The following FREM1 variants were observed in gnomAD, a reference collection of about 807,000 sequenced individuals.
FREM1 encodes the protein FRAS1-related extracellular matrix protein 1.
A neutral mutation model predicts 210.1 loss-of-function variants in FREM1; 220 were observed. That is an observed-to-expected ratio of 1.05 (90% confidence interval 0.94 to 1.17). The LOEUF (loss-of-function observed/expected upper bound fraction) is 1.17, where lower values mean the gene tolerates loss of function less well. FREM1 is among the 50% of genes most tolerant of loss of function. The pLI is 0.00. For synonymous variants in FREM1, 1,189 were observed against 980.2 expected, an observed-to-expected ratio of 1.21 and a Z score of -3.98; for missense variants, 3,454 against 2,675.5, an observed-to-expected ratio of 1.29 and a Z score of -6.42.
chr9:14,900,188 AC>A (rs754716875), intron 1 of FREM1, among the ~76,000 whole-genome samples: 10 of 151,750 alleles, frequency 6.6e-5, no homozygotes, highest in Non-Finnish European at 1.5e-4. Flanking sequence ...CATCTAGAGG[AC>A]CCCCTCTTCA....
In FREM1 at chr9:14,776,197, G is replaced by A. The variant is rs1207535317; in HGVS notation, c.4449C>T (p.Ile1483=). The A allele has an allele frequency of 1.3e-6, 2 of 1,518,618 alleles. No homozygotes were observed. The highest frequency in any genetic ancestry group is 1.8e-6 in the Non-Finnish European group (2 of 1,134,030). The allele number at this position is 1,518,618 out of a possible 1,614,324, so 94.1% of individuals were successfully genotyped here. The part of the protein sequence containing the change: ...VTVSSDRFRF[I]ISNGLRTEHG... ...GCTCGGTCCGCAGTCCATTGCTGATGATGAATCTGGTAAAGAGAGGCAAGG... is the reference window on the plus strand; with the variant it reads ...GCTCGGTCCGCAGTCCATTGCTGATAATGAATCTGGTAAAGAGAGGCAAGG... Residue 1483 remains isoleucine (I), a synonymous_variant, in exon 25 of 37, where the codon ATC becomes ATT. Coordinates refer to ENST00000380880, the MANE Select transcript of FREM1 (RefSeq NM_001379081.2).
Position 14,830,710 on chromosome 9 carries a change from G to T in FREM1, c.1882-5718C>A, listed in dbSNP as rs533803662. On this transcript the variant is annotated intron_variant, in intron 10 of 36. Transcript: ENST00000380880. ...CTCCCTTCCTTCTTGCCTATTAAATGCTCCACTCCTTAAAACCACTCCACG... is the reference window on the plus strand; with the variant it reads ...CTCCCTTCCTTCTTGCCTATTAAATTCTCCACTCCTTAAAACCACTCCACG... Among the ~76,000 whole-genome samples the T allele has an allele frequency of 2.0e-5, 3 of 152,066 alleles. No homozygotes were observed. In the East Asian group the frequency reaches 5.8e-4, roughly 30 times the overall value.
chr9:14,794,592 AAAGG>A (rs1351364516), intron 21 of FREM1, among the ~76,000 whole-genome samples: 3 of 152,244 alleles, frequency 2.0e-5, no homozygotes, highest in Admixed American at 2.0e-4. Context: ...ACAGTAGCTA[AAAGG>A]AATAGCAAAG....
intron 22 of FREM1, among the ~76,000 whole-genome samples, chr9:14,791,855 C>T (rs960918727): frequency 1.2e-4 from 15 of 124,252 alleles, no homozygotes; most frequent in Non-Finnish European, 1.8e-4. Flanking sequence ...TTTTTTAAGA[C>T]GGAGTCTTGC....
chr9:14,904,114 CAAAAAAAAA>C (rs35708320), intron 1 of FREM1, among the ~76,000 whole-genome samples: 1 of 71,668 alleles, frequency 1.4e-5, no homozygotes. Flanking sequence ...GACTCCGTCT[CAAAAAAAAA>C]AAAAAAAAAA....
chr9:14,820,433 C>T (rs1821079431), intron 13 of FREM1, among the ~76,000 whole-genome samples: 1 of 152,184 alleles, frequency 6.6e-6, no homozygotes, highest in Non-Finnish European at 1.5e-5. Flanking sequence ...ACCTACTCTT[C>T]TCAGAGCAGC....
At chr9:14,873,800 C>A (rs187238812) in intron 1 of FREM1, among the ~76,000 whole-genome samples, 12 of 152,120 alleles carry the variant, frequency 7.9e-5, no homozygotes, top group African/African-American at 2.7e-4. Context: ...CTCTTGTGGG[C>A]ATTTAGTGCT....
intron 31 of FREM1, among the ~76,000 whole-genome samples, chr9:14,748,191 A>T (rs528673530): frequency 2.4e-4 from 36 of 152,302 alleles, no homozygotes; most frequent in African/African-American, 8.7e-4. Context: ...ATGAATCAGC[A>T]TATCTATCAC....
rs1303372397 is a variant in FREM1 at position 14,825,533 on chromosome 9, A to ATGTG, written c.1882-542_1882-541insCACA. ...TATATATATACATACATATATATAT[A>ATGTG]TATGTGTGTGTGTGTATATATATAT... On this transcript the variant is annotated intron_variant, in intron 10 of 36. Coordinates refer to ENST00000380880, the MANE Select transcript of FREM1 (RefSeq NM_001379081.2). Among the ~76,000 whole-genome samples, 626 of 93,550 alleles carry ATGTG rather than the reference A, an allele frequency of 6.7e-3. 30 individuals carry two copies. Among genetic ancestry groups the ATGTG allele is most frequent in the African/African-American group, 0.022 (573 of 26,620 alleles). 61.4% of individuals were successfully genotyped at this position (93,550 alleles called of 152,430 possible). A position where few individuals can be genotyped will look rare whatever the true frequency, so the allele number is the denominator to read the frequency against.
chr9:14,899,977 G>A (rs1838482713), intron 1 of FREM1, among the ~76,000 whole-genome samples: 1 of 152,140 alleles, frequency 6.6e-6, no homozygotes, highest in Non-Finnish European at 1.5e-5. Context: ...AGACCATAAC[G>A]TGAACGGTGT....
Position 14,776,067 on chromosome 9 carries a change from G to A in FREM1, c.4579C>T (p.Pro1527Ser). ...GGGTCGGTCAGCTGAAGGAGGTCAGGGGAAAGCAGGCCCACGGCCCCTTGG... is the reference window on the plus strand; with the variant it reads ...GGGTCGGTCAGCTGAAGGAGGTCAGAGGAAAGCAGGCCCACGGCCCCTTGG... Reference protein sequence around the residue: ...LAQGAVGLLSPDLLQLTDPDT... With the variant: ...LAQGAVGLLSSDLLQLTDPDT... The change falls in exon 25 of 37, where the codon CCT (proline) becomes TCT (serine). Residue 1527 changes from proline to serine, a missense_variant. Coordinates refer to ENST00000380880, the MANE Select transcript of FREM1 (RefSeq NM_001379081.2). 2 of 1,613,690 alleles carry A rather than the reference G, an allele frequency of 1.2e-6. No individual in the cohort carries two copies. Among genetic ancestry groups the A allele is most frequent in the East Asian group, 2.2e-5 (1 of 44,874 alleles).
chr9:14,890,020 T>A (rs894695978), intron 1 of FREM1, among the ~76,000 whole-genome samples: 2 of 152,182 alleles, frequency 1.3e-5, no homozygotes, highest in Non-Finnish European at 2.9e-5. Flanking sequence ...CCCCATTGTG[T>A]CCCTCCATTC....
chr9:14,860,272 G>T (rs1219691735), intron 3 of FREM1, among the ~76,000 whole-genome samples: 1 of 151,966 alleles, frequency 6.6e-6, no homozygotes, highest in Admixed American at 6.6e-5. Context: ...CTTGCCAAAG[G>T]GGCTGGAGAA....
chr9:14,826,169 T>C (rs1564017808), intron 10 of FREM1, among the ~76,000 whole-genome samples: 1 of 147,134 alleles, frequency 6.8e-6, no homozygotes, highest in African/African-American at 2.5e-5. Context: ...CTCAGCTCAC[T>C]GCAAGCTCCA....
intron 24 of FREM1, among the ~76,000 whole-genome samples, chr9:14,781,117 G>C (rs1442466705): frequency 2.6e-5 from 4 of 152,164 alleles, no homozygotes; most frequent in African/African-American, 9.7e-5. Context: ...CCCAAATTCA[G>C]CAGTGATACT....
intron 28 of FREM1, among the ~76,000 whole-genome samples, chr9:14,758,134 T>C (rs1321015127): frequency 6.6e-6 from 1 of 152,208 alleles, no homozygotes; most frequent in East Asian, 1.9e-4. Context: ...CCTCTTTCCC[T>C]GCTCCCAGTC....
chr9:14,758,920 T>G (rs1423657468), intron 28 of FREM1, among the ~76,000 whole-genome samples: 1 of 152,196 alleles, frequency 6.6e-6, no homozygotes, highest in African/African-American at 2.4e-5. Context: ...TAGTATATGC[T>G]CTCCTAATTT....
Position 14,740,178 on chromosome 9 carries a change from T to C in FREM1, c.6311A>G (p.Asp2104Gly), listed in dbSNP as rs767416708. The change falls in exon 36 of 37, where the codon GAC becomes GGC. Residue 2104 changes from aspartate to glycine, a missense_variant. Asp to Gly is a moderately conservative substitution (Grantham distance 94). Transcript: ENST00000380880. ...FSRQHMRWLW[D>G]IGGRKSFWIG... is the part of the protein sequence containing the mutation. ...CCAAAAGGACTTTCTCCCACCAATG[T>C]CCCAGAGCCACCGCATGTGCTGCCT... The C allele has an allele frequency of 1.2e-6, 2 of 1,613,218 alleles. No individual in the cohort carries two copies. Among genetic ancestry groups the C allele is most frequent in the Non-Finnish European group, 1.7e-6 (2 of 1,179,444 alleles).
intron 31 of FREM1, 29 bp downstream of exon 31, chr9:14,748,372 A>G (rs200759114): frequency 1.6e-6 from 2 of 1,265,976 alleles, no homozygotes; most frequent in Non-Finnish European, 1.1e-6. Context: ...TATTTTGCAC[A>G]TCATTTCCCA....
Sources: gnomAD v4.1 joint callset for allele counts (sites outside exome capture counted in the v4.1 genomes callset) on GRCh38, gnomAD v4.1.1 for gene constraint, MANE v1.5 for transcripts, NCBI Gene and HGNC (gene_info 2026-07-23, HGNC 2026-07-21) for gene names.